The following EHBP1 variants were observed in gnomAD, a reference collection of about 807,000 sequenced individuals.
EHBP1 encodes the protein EH domain binding protein 1, also known as EH domain-binding protein 1.
In EHBP1, 55 loss-of-function variants were observed where a neutral mutation model predicts 144.0. The ratio of observed to expected loss-of-function variants is 0.38; its 90% CI spans 0.31 to 0.48. EHBP1 has a LOEUF of 0.48. EHBP1 is among the 20% of genes least tolerant of loss of function. The probability of loss-of-function intolerance (pLI) is 0.98; values close to 1 mark genes in which losing one functional copy is unlikely to be tolerated. For missense variants in EHBP1, 1,200 were observed against 1,364.2 expected, an observed-to-expected ratio of 0.88 and a Z score of 1.90; for synonymous variants, 469 against 472.7, an observed-to-expected ratio of 0.99 and a Z score of 0.10.
chr2:63,020,339 A>T (rs559503546), intron 19 of EHBP1, among the ~76,000 whole-genome samples: 2 of 150,164 alleles, frequency 1.3e-5, no homozygotes, highest in Non-Finnish European at 3.0e-5. Flanking sequence ...AAAAAAAAAA[A>T]AAAAAAAGAA....
chr2:62,880,720 G>A (rs2051333191), intron 10 of EHBP1, among the ~76,000 whole-genome samples: 1 of 152,068 alleles, frequency 6.6e-6, no homozygotes, highest in South Asian at 2.1e-4. Context: ...CTCATACCAG[G>A]CAGAATGGCT....
In EHBP1 at chr2:62,955,661, G is replaced by C; in HGVS notation, c.2460+1G>C. ...ATTCTGCAACAGGCAGCTAAGTGAT[G>C]TGAGGAGCATTGGTTAAAAAAGACC... On this transcript the variant is annotated splice_donor_variant, in intron 14 of 22. Coordinates refer to ENST00000431489, the MANE Select transcript of EHBP1 (RefSeq NM_001142616.3). LOFTEE classifies it high-confidence loss of function. 1 of 1,607,022 alleles carries C rather than the reference G, an allele frequency of 6.2e-7. No individual in the cohort carries two copies. The highest frequency in any genetic ancestry group is 8.5e-7 in the Non-Finnish European group (1 of 1,177,096).
At chr2:62,851,852 A>G (rs2048713608) in intron 7 of EHBP1, among the ~76,000 whole-genome samples, 3 of 151,906 alleles carry the variant, frequency 2.0e-5, no homozygotes, top group Admixed American at 2.0e-4. Flanking sequence ...AACTACTAGG[A>G]CAGTTTGTCA....
chr2:62,923,885 A>G (rs957635547), intron 10 of EHBP1, among the ~76,000 whole-genome samples: 2 of 152,190 alleles, frequency 1.3e-5, no homozygotes, highest in East Asian at 1.9e-4. Context: ...TGACTGCATC[A>G]TGGCCCTGAG....
chr2:62,707,323 C>G (rs769922208), intron 2 of EHBP1, 28 bp downstream of exon 2: 1 of 1,561,300 alleles, frequency 6.4e-7, no homozygotes, highest in South Asian at 1.1e-5. Flanking sequence ...GTAGATTTTG[C>G]TGTGCTGTGG....
chr2:62,924,100 A>G (rs1056147141), intron 10 of EHBP1, among the ~76,000 whole-genome samples: 3 of 152,158 alleles, frequency 2.0e-5, no homozygotes, highest in Non-Finnish European at 4.4e-5. Context: ...CCTTTAGGCC[A>G]GCTGAGGAGC....
At chr2:62,863,274 G>A (rs2049739761) in intron 8 of EHBP1, among the ~76,000 whole-genome samples, 1 of 148,796 alleles carries the variant, frequency 6.7e-6, no homozygotes, top group Non-Finnish European at 1.5e-5. Flanking sequence ...AACAGAGTGA[G>A]ACTCCGTCAC....
chr2:62,681,252 G>A (rs1455743255), intron 1 of EHBP1, among the ~76,000 whole-genome samples: 17 of 147,922 alleles, frequency 1.1e-4, no homozygotes, highest in African/African-American at 4.0e-4. Context: ...GTTGCAGTGT[G>A]CTGAGATCAT....
intron 7 of EHBP1, among the ~76,000 whole-genome samples, chr2:62,847,507 T>A (rs1228879937): frequency 6.6e-6 from 1 of 152,088 alleles, no homozygotes; most frequent in Non-Finnish European, 1.5e-5. Context: ...AGATTAAACT[T>A]AGTCAAAATT....
intron 5 of EHBP1, among the ~76,000 whole-genome samples, chr2:62,808,723 G>T (rs556285762): frequency 3.9e-5 from 6 of 152,280 alleles, no homozygotes; most frequent in Middle Eastern, 6.8e-3. Context: ...GTAAAAGGAA[G>T]TGCTGTAAAT....
chr2:63,023,312 G>C (rs893604378), intron 19 of EHBP1, among the ~76,000 whole-genome samples: 1 of 152,080 alleles, frequency 6.6e-6, no homozygotes, highest in Non-Finnish European at 1.5e-5. Context: ...ATTTTTTAGA[G>C]AAACAAAGAT....
chr2:62,822,982 G>C (rs532807454), intron 5 of EHBP1, among the ~76,000 whole-genome samples: 1 of 152,178 alleles, frequency 6.6e-6, no homozygotes, highest in African/African-American at 2.4e-5. Context: ...AGAACTTAGG[G>C]GAAGTGTTTC....
At chr2:62,881,323 C>G (rs2051394936) in intron 10 of EHBP1, among the ~76,000 whole-genome samples, 1 of 147,796 alleles carries the variant, frequency 6.8e-6, no homozygotes, top group African/African-American at 2.5e-5. Flanking sequence ...ATGAAATAAT[C>G]TATACACCAG....
intron 1 of EHBP1, among the ~76,000 whole-genome samples, chr2:62,683,388 C>T (rs934673430): frequency 6.6e-6 from 1 of 152,116 alleles, no homozygotes; most frequent in Non-Finnish European, 1.5e-5. Context: ...AGGCCAGGCG[C>T]GGTGTCTCCG....
At chr2:62,677,566 A>G (rs2033347220) in intron 1 of EHBP1, among the ~76,000 whole-genome samples, 1 of 152,176 alleles carries the variant, frequency 6.6e-6, no homozygotes, top group Non-Finnish European at 1.5e-5. Context: ...CTGTTATGTT[A>G]ACAAATACTA....
chr2:62,748,539 AGTCC>A, intron 3 of EHBP1, among the ~76,000 whole-genome samples: 1 of 152,088 alleles, frequency 6.6e-6, no homozygotes, highest in East Asian at 1.9e-4. Flanking sequence ...ATGCACCTGT[AGTCC>A]CAGCTACTGA....
chr2:62,864,932 A>C lies in EHBP1; in HGVS notation c.959A>C (p.Tyr320Ser), dbSNP rs1166735860. The part of the protein sequence containing the change: ...IRPVDMSKYL[Y>S]ADSSKTEEEE... ...CCTGTGGATATGAGCAAGTACCTCT[A>C]TGCTGATAGTTCTAAAACTGAAGAA... The change falls in exon 9 of 23, where the codon TAT becomes TCT. Residue 320 changes from tyrosine to serine, a missense_variant. Around this residue, in one of 6 missense-constraint regions of EHBP1, gnomAD observed 266 missense variants for 262.4 expected, o/e 1.01. Coordinates refer to ENST00000431489, the MANE Select transcript of EHBP1 (RefSeq NM_001142616.3). 3.1e-6 allele frequency: 5 copies of C among 1,613,600 alleles called. No homozygotes were observed. The highest frequency in any genetic ancestry group is 4.2e-6 in the Non-Finnish European group (5 of 1,179,858).
intron 19 of EHBP1, among the ~76,000 whole-genome samples, chr2:63,006,283 T>A (rs1390947630): frequency 1.3e-5 from 2 of 151,956 alleles, no homozygotes. Context: ...TCTATGCCAC[T>A]CATTGACATC....
intron 10 of EHBP1, among the ~76,000 whole-genome samples, chr2:62,893,242 C>A (rs1032440414): frequency 7.2e-5 from 11 of 152,142 alleles, no homozygotes; most frequent in Admixed American, 7.2e-4. Flanking sequence ...ACAACATTTT[C>A]TTTGTGTCAT....
Sources: gnomAD v4.1 joint callset for allele counts (sites outside exome capture counted in the v4.1 genomes callset) on GRCh38, gnomAD v4.1.1 for gene constraint, gnomAD v4.1.1 regional missense constraint, MANE v1.5 for transcripts, NCBI Gene and HGNC (gene_info 2026-07-23, HGNC 2026-07-21) for gene names.